Variants in FKBP9 observed in about 807,000 individuals in gnomAD.
FKBP9 encodes peptidyl-prolyl cis-trans isomerase FKBP9.
A neutral mutation model predicts 55.6 loss-of-function variants in FKBP9; 27 were observed. That is an observed-to-expected ratio of 0.49 (90% CI 0.36 to 0.67). The LOEUF is 0.67. Among genes scored for constraint, FKBP9 ranks in the 30% least tolerant of loss-of-function variants. The pLI, the probability that FKBP9 is intolerant of heterozygous loss-of-function variation, is 0.00. For synonymous variants in FKBP9, 267 were observed against 296.5 expected (o/e 0.90, Z 1.02); for missense variants, 539 against 742.8 (o/e 0.73, Z 3.19).
chr7:33,005,278 G>A lies in FKBP9; in HGVS notation c.1640G>A (p.Arg547Gln), dbSNP rs577922815. 7 of 1,614,064 alleles carry A rather than the reference G, an allele frequency of 4.3e-6. No individual in the cohort carries two copies. Among genetic ancestry groups the A allele is most frequent in the East Asian group, 2.2e-5 (1 of 44,878 alleles). ...IVKNMFTNQDRNGDGKVTAEE... is the reference protein window; with the variant it reads ...IVKNMFTNQDQNGDGKVTAEE... ...AAGAATATGTTCACCAACCAGGACC[G>A]GAATGGAGATGGGAAGGTCACAGCC... is the stretch of plus-strand genomic sequence containing the variant. Residue 547 changes from arginine to glutamine, a missense_variant, in exon 10 of 10, where the codon CGG becomes CAG. By Grantham distance (43) the Arg-to-Gln change is conservative (BLOSUM62 1). Around this residue, in one of 4 missense-constraint regions of FKBP9, gnomAD observed 102 missense variants for 200.7 expected, o/e 0.51. Coordinates refer to ENST00000242209, the MANE Select transcript of FKBP9 (RefSeq NM_007270.5).
intron 1 of FKBP9, among the ~76,000 whole-genome samples, chr7:32,969,823 T>C (rs866070805): frequency 5.9e-5 from 9 of 151,874 alleles, no homozygotes; most frequent in Middle Eastern, 3.2e-3. Flanking sequence ...GCCAACATGG[T>C]GAAGCCCTGT....
rs1478475064 is a variant in FKBP9, at chr7:32,975,302, T to C, written c.488T>C (p.Ile163Thr). 3.7e-6 allele frequency: 6 copies of C among 1,613,852 alleles called. No homozygotes were observed. Among genetic ancestry groups the C allele is most frequent in the Non-Finnish European group, 5.1e-6 (6 of 1,179,848 alleles). Reference sequence around the variant, plus strand: ...AAGCCCCCGAGTTGCCCTCGGACCATCCAGGTGTCTGATTTTGTGAGGTAC... The same window carrying C: ...AAGCCCCCGAGTTGCCCTCGGACCACCCAGGTGTCTGATTTTGTGAGGTAC... ...YFKPPSCPRTIQVSDFVRYHY... is the reference protein window; with the variant it reads ...YFKPPSCPRTTQVSDFVRYHY... The change falls in exon 3 of 10, where the codon ATC (isoleucine) becomes ACC (threonine). Residue 163 changes from isoleucine to threonine, a missense_variant. Physicochemically the swap from Ile to Thr is moderately conservative, Grantham distance 89. This residue lies in a region of FKBP9 where 236 missense variants were observed against 271.5 expected (regional missense o/e 0.87). Coordinates refer to ENST00000242209, the MANE Select transcript of FKBP9 (RefSeq NM_007270.5).
chr7:32,958,176 C>A (rs1783944049), intron 1 of FKBP9, among the ~76,000 whole-genome samples: 1 of 152,192 alleles, frequency 6.6e-6, no homozygotes, highest in South Asian at 2.1e-4. Context: ...TTCGCCCTTT[C>A]CTGTTCCTTC....
intron 1 of FKBP9, among the ~76,000 whole-genome samples, chr7:32,961,397 G>A (rs1324783710): frequency 3.9e-5 from 6 of 152,262 alleles, no homozygotes; most frequent in East Asian, 1.9e-4. Context: ...TACAGTTTCC[G>A]ATTCAGTAGC....
intron 1 of FKBP9, among the ~76,000 whole-genome samples, chr7:32,973,694 T>TTG (rs1467468083): frequency 1.4e-5 from 1 of 70,688 alleles, no homozygotes; most frequent in East Asian, 3.4e-4. Flanking sequence ...TTTTTTTTTT[T>TTG]TTTTTTTTTT....
chr7:33,002,360 T>C (rs1450113944), intron 8 of FKBP9, among the ~76,000 whole-genome samples: 3 of 152,202 alleles, frequency 2.0e-5, no homozygotes, highest in Admixed American at 2.0e-4. Flanking sequence ...CTTGAACTCC[T>C]AATCTCAAGT....
intron 6 of FKBP9, among the ~76,000 whole-genome samples, chr7:32,989,995 A>G (rs1350965355): frequency 1.4e-5 from 2 of 146,280 alleles, no homozygotes; most frequent in Non-Finnish European, 3.0e-5. Flanking sequence ...TTCAAAAGCA[A>G]TTTTTTTTTT....
At chr7:32,971,943 A>G (rs1050152093) in intron 1 of FKBP9, among the ~76,000 whole-genome samples, 2 of 152,222 alleles carry the variant, frequency 1.3e-5, no homozygotes, top group Non-Finnish European at 2.9e-5. Context: ...ATACTCTGTA[A>G]ACAGTAGTTA....
intron 6 of FKBP9, among the ~76,000 whole-genome samples, chr7:32,993,352 A>T (rs558524393): frequency 6.6e-6 from 1 of 152,268 alleles, no homozygotes; most frequent in East Asian, 1.9e-4. Context: ...AACCCATTAC[A>T]CAATAACTCC....
chr7:32,979,370 T>A (rs1340620865), intron 4 of FKBP9: 1 of 662,054 alleles, frequency 1.5e-6, no homozygotes. Context: ...AAAAGATTAA[T>A]ATTCTATCTC....
chr7:32,999,719 C>T (rs1294955094), intron 7 of FKBP9, among the ~76,000 whole-genome samples: 1 of 152,158 alleles, frequency 6.6e-6, no homozygotes, highest in Non-Finnish European at 1.5e-5. Context: ...TCAGGTCTTG[C>T]TGAATCCAAA....
At chr7:32,989,276 T>C (rs1449747116) in intron 6 of FKBP9, among the ~76,000 whole-genome samples, 1 of 152,248 alleles carries the variant, frequency 6.6e-6, no homozygotes, top group African/African-American at 2.4e-5. Flanking sequence ...ACTATAATCC[T>C]GTTTTAGAAC....
intron 5 of FKBP9, among the ~76,000 whole-genome samples, chr7:32,982,652 C>G (rs1183515700): frequency 6.6e-6 from 1 of 151,894 alleles, no homozygotes; most frequent in Non-Finnish European, 1.5e-5. Context: ...CAGTGTGGTT[C>G]TGTTCTTTAT....
chr7:32,996,775 A>C (rs928602069), intron 7 of FKBP9, among the ~76,000 whole-genome samples: 2,853 of 25,384 alleles, frequency 0.11, no homozygotes, highest in Non-Finnish European at 0.13. Flanking sequence ...ATAAAGTCTC[A>C]CTCTTTTTTT....
rs964575188 is a variant in FKBP9 at position 32,957,708 on chromosome 7, C to T, written c.135C>T (p.Asp45=). Residue 45 remains aspartate (D), a synonymous_variant, in exon 1 of 10, where the codon GAC becomes GAT. Coordinates refer to ENST00000242209, the MANE Select transcript of FKBP9 (RefSeq NM_007270.5). ...ELQIERRFVP[D]ECPRTVRSGD... ...AGATCGAGCGGCGCTTCGTGCCCGACGAGTGCCCGCGCACCGTGCGCAGCG... is the reference window on the plus strand; with the variant it reads ...AGATCGAGCGGCGCTTCGTGCCCGATGAGTGCCCGCGCACCGTGCGCAGCG... 6 of 1,543,082 alleles carry T rather than the reference C, an allele frequency of 3.9e-6. No homozygotes were observed. The Admixed American group carries it at 9.6e-5, about 25-fold the overall frequency.
In FKBP9 at chr7:32,965,797, CAAAAA is replaced by C. The variant is rs760247071; in HGVS notation, c.221+8015_221+8019del. On this transcript the variant is annotated intron_variant, in intron 1 of 9. Coordinates refer to ENST00000242209, the MANE Select transcript of FKBP9 (RefSeq NM_007270.5). ...TGGGCAACAGAGCGAGACTCCATGTCAAAAAAAAAAAAAAAATATATATATATATA... is the reference window on the plus strand; with the variant it reads ...TGGGCAACAGAGCGAGACTCCATGTCAAAAAAAAAAATATATATATATATA... Among the ~76,000 whole-genome samples the C allele has an allele frequency of 6.9e-3, 264 of 38,522 alleles. 7 individuals are homozygous for C. The highest frequency in any genetic ancestry group is 0.014 in the African/African-American group (102 of 7,216). The allele number at this position is 38,522 out of a possible 152,430, so 25.3% of individuals were successfully genotyped here. A position where few individuals can be genotyped will look rare whatever the true frequency, so the allele number is the denominator to read the frequency against.
At position 32,978,118 on chromosome 7, in the gene FKBP9, C is replaced by T. The variant is rs938538291; in HGVS notation, c.703+1619C>T. The stretch of plus-strand genomic sequence containing the variant: ...TGTATTTTTAGTAGAGACAGCATTT[C>T]GCCATGTTGGCCAGACTTGTCTCAA... On this transcript the variant is annotated intron_variant, in intron 4 of 9. Coordinates refer to ENST00000242209, the MANE Select transcript of FKBP9 (RefSeq NM_007270.5). 5.3e-5 allele frequency among the ~76,000 whole-genome samples: 8 copies of T among 151,356 alleles called. No homozygotes were observed. In the East Asian group the frequency reaches 7.8e-4, roughly 15 times the overall value.
intron 5 of FKBP9, 66 bp downstream of exon 5, chr7:32,980,619 G>A: frequency 8.3e-6 from 13 of 1,569,158 alleles, no homozygotes; most frequent in Admixed American, 1.8e-5. Context: ...CCATTGGCTG[G>A]ACCATGATTT....
intron 8 of FKBP9, among the ~76,000 whole-genome samples, chr7:33,001,117 T>C (rs1397172406): frequency 6.6e-6 from 1 of 152,150 alleles, no homozygotes; most frequent in Non-Finnish European, 1.5e-5. Flanking sequence ...ACTGCTGATA[T>C]CTGGACATGG....
Sources: allele counts gnomAD v4.1 joint callset (sites outside exome capture counted in the v4.1 genomes callset), GRCh38; gene constraint gnomAD v4.1.1; regional missense constraint gnomAD v4.1.1; transcripts MANE v1.5; gene names NCBI Gene and HGNC (gene_info 2026-07-23, HGNC 2026-07-21).